CADM1: variants seen among roughly 807,000 people sequenced by gnomAD.
CADM1 encodes the protein TSLC-1.
In CADM1, 15 loss-of-function variants were observed where a neutral mutation model predicts 53.1. The ratio of observed to expected loss-of-function variants is 0.28; its 90% confidence interval spans 0.19 to 0.44. CADM1 has a LOEUF of 0.44. Ranked by LOEUF, CADM1 falls within the 20% of genes least tolerant of loss-of-function variation. CADM1 has a pLI of 1.00. For missense variants in CADM1, 434 were observed against 611.3 expected (o/e 0.71, Z 3.06); for synonymous variants, 281 against 243.0 (o/e 1.16, Z -1.45).
At chr11:115,241,558 G>A (rs1942230258) in intron 1 of CADM1, among the ~76,000 whole-genome samples, 1 of 152,178 alleles carries the variant, frequency 6.6e-6, no homozygotes, top group Non-Finnish European at 1.5e-5. Context: ...AATGGGGATA[G>A]TAATTAAAAG....
intron 1 of CADM1, among the ~76,000 whole-genome samples, chr11:115,348,241 A>G (rs1211386890): frequency 2.6e-5 from 4 of 152,198 alleles, no homozygotes; most frequent in Admixed American, 6.5e-5. Context: ...TAGAGTTGAC[A>G]TGATTGAAAA....
intron 1 of CADM1, among the ~76,000 whole-genome samples, chr11:115,311,562 G>A (rs1944533016): frequency 6.6e-6 from 1 of 152,146 alleles, no homozygotes; most frequent in South Asian, 2.1e-4. Flanking sequence ...AAAAATCCAG[G>A]TATAAATGGA....
At chr11:115,190,351 G>A (rs1231922067) in intron 10 of CADM1, among the ~76,000 whole-genome samples, 1 of 152,132 alleles carries the variant, frequency 6.6e-6, no homozygotes, top group African/African-American at 2.4e-5. Flanking sequence ...AAAGAGGTCT[G>A]AGGTGGATAA....
At position 115,429,207 on chromosome 11, in the gene CADM1, GATTT is replaced by G. The variant is rs546508031; in HGVS notation, c.124+75060_124+75063del. Among the ~76,000 whole-genome samples, 250 of 152,160 alleles carry G rather than the reference GATTT, an allele frequency of 1.6e-3. 1 individual carries two copies. Among genetic ancestry groups the G allele is most frequent in the African/African-American group, 5.6e-3 (231 of 41,522 alleles). ...AGAGAGCAAAGAAACAGAAAAAAAT[GATTT>G]ATTAAAAATTGCTGAGAACTAAAAA... On this transcript the variant is annotated intron_variant, in intron 1 of 11. Transcript: ENST00000331581.
chr11:115,504,357 G>A lies in CADM1; in HGVS notation c.38C>T (p.Ala13Val), dbSNP rs1478123910. 4 of 1,548,562 alleles carry A rather than the reference G, an allele frequency of 2.6e-6. No homozygotes were observed. Among genetic ancestry groups the A allele is most frequent in the Middle Eastern group, 1.8e-4 (1 of 5,490 alleles). ...AGGCGCCGCCGCCGCCGCTGCCGCC[G>A]CACACTGGGATCCGCTCGGCAGCAC... ...SVVLPSGSQCAAAAAAAAPPG... is the reference protein window; with the variant it reads ...SVVLPSGSQCVAAAAAAAPPG... The change falls in exon 1 of 12, where the codon GCG becomes GTG. Residue 13 changes from alanine (A) to valine (V), a missense_variant. Around this residue, in one of 4 missense-constraint regions of CADM1, gnomAD observed 76 missense variants for 59.8 expected, o/e 1.27. Transcript: ENST00000331581.
chr11:115,434,879 G>A (rs1052289557), intron 1 of CADM1, among the ~76,000 whole-genome samples: 35 of 47,946 alleles, frequency 7.3e-4, no homozygotes, highest in Non-Finnish European at 1.7e-4. Flanking sequence ...TTTTTTTTTT[G>A]AGACAGAGTC....
chr11:115,188,577 G>A (rs564667623), intron 10 of CADM1, among the ~76,000 whole-genome samples: 20 of 152,192 alleles, frequency 1.3e-4, no homozygotes, highest in East Asian at 7.7e-4. Flanking sequence ...AATTGAGTAC[G>A]TAACATTTAT....
At chr11:115,217,144 G>C (rs1212201181) in intron 6 of CADM1, among the ~76,000 whole-genome samples, 3 of 152,230 alleles carry the variant, frequency 2.0e-5, no homozygotes, top group Admixed American at 6.5e-5. Flanking sequence ...CACTAAAGAA[G>C]TGTCCCCTGC....
At chr11:115,360,938 G>A (rs1055945003) in intron 1 of CADM1, among the ~76,000 whole-genome samples, 4 of 152,092 alleles carry the variant, frequency 2.6e-5, no homozygotes, top group Non-Finnish European at 4.4e-5. Flanking sequence ...TAGTCCTCAC[G>A]GCAATCACTA....
intron 1 of CADM1, among the ~76,000 whole-genome samples, chr11:115,355,489 AGG>A: frequency 6.6e-6 from 1 of 152,122 alleles, no homozygotes; most frequent in East Asian, 1.9e-4. Context: ...GAGGAGGCTG[AGG>A]ATCGGAAAAA....
chr11:115,377,365 A>C (rs563283026), intron 1 of CADM1: 7 of 152,216 alleles, frequency 4.6e-5, no homozygotes, highest in Non-Finnish European at 1.0e-4. Flanking sequence ...AATCACCTAT[A>C]GAGAGAAACC....
intron 1 of CADM1, among the ~76,000 whole-genome samples, chr11:115,395,418 CACAT>C (rs1368930032): frequency 1.3e-5 from 2 of 152,136 alleles, no homozygotes; most frequent in African/African-American, 4.8e-5. Context: ...ATCATTTACA[CACAT>C]ACTCACTGCT....
chr11:115,334,099 C>T (rs1945200822), intron 1 of CADM1, among the ~76,000 whole-genome samples: 1 of 152,132 alleles, frequency 6.6e-6, no homozygotes, highest in South Asian at 2.1e-4. Flanking sequence ...TGTCCTTCTA[C>T]ATGTTTGTGC....
At chr11:115,261,852 T>C (rs1292103055) in intron 1 of CADM1, among the ~76,000 whole-genome samples, 1 of 151,898 alleles carries the variant, frequency 6.6e-6, no homozygotes, top group East Asian at 1.9e-4. Flanking sequence ...CAATCTCGGC[T>C]CACTGCAACC....
intron 7 of CADM1, among the ~76,000 whole-genome samples, chr11:115,213,165 A>G (rs1941033865): frequency 6.6e-6 from 1 of 152,206 alleles, no homozygotes; most frequent in Non-Finnish European, 1.5e-5. Flanking sequence ...GGGGACTCCC[A>G]TGAGGCGCAG....
intron 10 of CADM1, among the ~76,000 whole-genome samples, chr11:115,186,590 C>T (rs1939564113): frequency 6.6e-6 from 1 of 152,214 alleles, no homozygotes; most frequent in Non-Finnish European, 1.5e-5. Flanking sequence ...TTCTCACTGT[C>T]TCCTAAGCAA....
At chr11:115,186,278 G>A (rs1939543684) in intron 10 of CADM1, among the ~76,000 whole-genome samples, 1 of 152,216 alleles carries the variant, frequency 6.6e-6, no homozygotes, top group South Asian at 2.1e-4. Flanking sequence ...AGGGGAATCA[G>A]TGGGACAACA....
At chr11:115,426,702 G>A (rs1036770932) in intron 1 of CADM1, among the ~76,000 whole-genome samples, 1 of 151,306 alleles carries the variant, frequency 6.6e-6, no homozygotes, top group Non-Finnish European at 1.5e-5. Context: ...ACCCTCCCCT[G>A]CTTCCCCCTT....
At chr11:115,311,354 A>C (rs1020351502) in intron 1 of CADM1, among the ~76,000 whole-genome samples, 3 of 152,112 alleles carry the variant, frequency 2.0e-5, no homozygotes, top group Non-Finnish European at 4.4e-5. Context: ...CACTGGGCTA[A>C]GCACTCCACA....
Sources: allele counts gnomAD v4.1 joint callset (sites outside exome capture counted in the v4.1 genomes callset), GRCh38; gene constraint gnomAD v4.1.1; regional missense constraint gnomAD v4.1.1; transcripts MANE v1.5; gene names NCBI Gene and HGNC (gene_info 2026-07-23, HGNC 2026-07-21).